Variants in SLC5A4 observed in about 807,000 individuals in gnomAD.
SLC5A4 encodes the protein solute carrier family 5 member 4.
SLC5A4 carries 55 observed loss-of-function variants against 70.3 expected under a neutral mutation model. That is an observed-to-expected ratio of 0.78 (90% confidence interval 0.63 to 0.98). The LOEUF (loss-of-function observed/expected upper bound fraction) is 0.98. Among genes scored for constraint, SLC5A4 ranks in the 50% least tolerant of loss-of-function variants. The probability of loss-of-function intolerance (pLI) is 0.00; values close to 1 mark genes in which losing one functional copy is unlikely to be tolerated. For synonymous variants in SLC5A4, 268 were observed against 305.7 expected (o/e 0.88, Z 1.29); for missense variants, 735 against 839.2 (o/e 0.88, Z 1.53).
the SLC5A4 span, among the ~76,000 whole-genome samples, chr22:32,354,009 C>A: frequency 1.3e-5 from 2 of 151,560 alleles, no homozygotes; most frequent in Non-Finnish European, 2.9e-5. Flanking sequence ...ACCCAACCCA[C>A]CCCCTGCGCG....
chr22:32,228,605 A>C (rs1925550594), intron 11 of SLC5A4, among the ~76,000 whole-genome samples: 1 of 151,650 alleles, frequency 6.6e-6, no homozygotes, highest in Non-Finnish European at 1.5e-5. Flanking sequence ...GAAAAAGGAC[A>C]TTCTGGTATC....
the SLC5A4 span, among the ~76,000 whole-genome samples, chr22:32,297,563 G>T: frequency 2.0e-5 from 2 of 102,334 alleles, no homozygotes; most frequent in African/African-American, 3.7e-5. Context: ...TATTAGTCTT[G>T]CTAGCGGTCT....
intron 5 of SLC5A4, among the ~76,000 whole-genome samples, chr22:32,239,525 T>C (rs867930815): frequency 0.12 from 1,063 of 9,108 alleles, 136 homozygotes; most frequent in African/African-American, 0.41. Flanking sequence ...ATATTATATA[T>C]ATATATATAT....
chr22:32,300,972 CT>C, the SLC5A4 span, among the ~76,000 whole-genome samples: 1 of 151,828 alleles, frequency 6.6e-6, no homozygotes, highest in Non-Finnish European at 1.5e-5. Flanking sequence ...GTTCAGGTTT[CT>C]TTTTTTTGAG....
intron 5 of SLC5A4, among the ~76,000 whole-genome samples, chr22:32,239,632 A>G (rs1374818438): frequency 1.6e-5 from 2 of 127,384 alleles, no homozygotes; most frequent in African/African-American, 2.9e-5. Flanking sequence ...TAAAATATAT[A>G]TAATATATAT....
chr22:32,260,395 A>C, the SLC5A4 span, among the ~76,000 whole-genome samples: 1 of 151,916 alleles, frequency 6.6e-6, no homozygotes, highest in African/African-American at 2.4e-5. Context: ...AAAAGATTGT[A>C]TTTTCATGGA....
intron 5 of SLC5A4, among the ~76,000 whole-genome samples, chr22:32,242,025 C>CATGTGAACTG (rs1926560040): frequency 6.6e-6 from 1 of 151,550 alleles, no homozygotes. Context: ...CTCATGATTT[C>CATGTGAACTG]TAAACTGTAT....
At chr22:32,279,980 G>A in the SLC5A4 span, among the ~76,000 whole-genome samples, 2 of 152,158 alleles carry the variant, frequency 1.3e-5, no homozygotes, top group Non-Finnish European at 2.9e-5. Flanking sequence ...CTGCGACCAA[G>A]TGCCCAATTG....
chr22:32,306,159 ATT>A, the SLC5A4 span, among the ~76,000 whole-genome samples: 2 of 152,194 alleles, frequency 1.3e-5, no homozygotes, highest in South Asian at 2.1e-4. Context: ...ACCTAGGGAC[ATT>A]GTTATAAAAA....
At chr22:32,265,814 T>C in the SLC5A4 span, among the ~76,000 whole-genome samples, 1 of 152,108 alleles carries the variant, frequency 6.6e-6, no homozygotes, top group Non-Finnish European at 1.5e-5. Context: ...CACTCCAGCC[T>C]GGGTGATGGA....
At chr22:32,280,669 C>G in the SLC5A4 span, among the ~76,000 whole-genome samples, 1 of 152,198 alleles carries the variant, frequency 6.6e-6, no homozygotes. Flanking sequence ...GTCTAGAAAA[C>G]TGCTCAACAC....
chr22:32,347,230 A>C, the SLC5A4 span, among the ~76,000 whole-genome samples: 1 of 152,112 alleles, frequency 6.6e-6, no homozygotes, highest in Non-Finnish European at 1.5e-5. Flanking sequence ...GATGTGGAGA[A>C]ATAGGAACAC....
At chr22:32,295,239 C>T in the SLC5A4 span, among the ~76,000 whole-genome samples, 6 of 105,328 alleles carry the variant, frequency 5.7e-5, 2 homozygotes, top group Non-Finnish European at 8.2e-5. Flanking sequence ...GGAATCGCCA[C>T]ACTGACTTCC....
chr22:32,256,366 C>T (rs565541748), upstream of SLC5A4, among the ~76,000 whole-genome samples: 30 of 152,160 alleles, frequency 2.0e-4, no homozygotes, highest in Admixed American at 9.2e-4. Flanking sequence ...CATGAAAAAA[C>T]GGAAAGCCCA....
the SLC5A4 span, among the ~76,000 whole-genome samples, chr22:32,309,540 A>T: frequency 6.6e-6 from 1 of 152,042 alleles, no homozygotes; most frequent in African/African-American, 2.4e-5. Context: ...GGGACACTCT[A>T]CTCATTGAAG....
chr22:32,308,692 G>T, the SLC5A4 span, among the ~76,000 whole-genome samples: 1 of 149,112 alleles, frequency 6.7e-6, no homozygotes, highest in Non-Finnish European at 1.5e-5. Context: ...TGGGAACACT[G>T]TCAGCTGCCT....
At chr22:32,333,522 T>C in the SLC5A4 span, among the ~76,000 whole-genome samples, 1 of 152,118 alleles carries the variant, frequency 6.6e-6, no homozygotes, top group African/African-American at 2.4e-5. Flanking sequence ...ATGAAATGAA[T>C]GTGTCCTTTA....
chr22:32,250,982 G>A (rs948054065), intron 3 of SLC5A4, among the ~76,000 whole-genome samples: 17 of 151,868 alleles, frequency 1.1e-4, no homozygotes, highest in African/African-American at 4.1e-4. Context: ...GAGAGGGAGA[G>A]CATTAGAACA....
chr22:32,318,922 G>T, the SLC5A4 span, among the ~76,000 whole-genome samples: 1 of 152,174 alleles, frequency 6.6e-6, no homozygotes. Context: ...CTGATATTTG[G>T]TGGGATATTT....
Sources: allele counts gnomAD v4.1 joint callset (sites outside exome capture counted in the v4.1 genomes callset), GRCh38; gene constraint gnomAD v4.1.1; transcripts MANE v1.5; gene names NCBI Gene and HGNC (gene_info 2026-07-23, HGNC 2026-07-21).